The following BATF variants were observed in gnomAD, a reference collection of about 807,000 sequenced individuals.
The protein encoded by BATF is basic leucine zipper transcriptional factor ATF-like.
Under a neutral mutation model 13.7 loss-of-function variants are expected in BATF, and 5 were observed. That is an observed-to-expected ratio of 0.36 (90% CI 0.19 to 0.77). BATF has a LOEUF of 0.77. Among genes scored for constraint, BATF ranks in the 30% least tolerant of loss-of-function variants. The probability of loss-of-function intolerance (pLI) is 0.51; values close to 1 mark genes in which losing one functional copy is unlikely to be tolerated. For synonymous variants in BATF, 72 were observed against 67.5 expected (o/e 1.07, Z -0.33); for missense variants, 124 against 163.0 (o/e 0.76, Z 1.30).
rs144095371 is a variant in BATF, at chr14:75,524,033, T to A, written c.64-1051T>A. On this transcript the variant is annotated intron_variant, in intron 1 of 2. Transcript: ENST00000286639. ...TCCTACCACAAAGGCCTGAAAGTAT[T>A]GGACATGTTGGTGAGCCCAGTACTT... Among the ~76,000 whole-genome samples the A allele has an allele frequency of 4.5e-3, 685 of 152,308 alleles. 4 individuals carry two copies. The highest frequency in any genetic ancestry group is 0.016 in the African/African-American group (661 of 41,550).
intron 2 of BATF, among the ~76,000 whole-genome samples, chr14:75,537,426 AT>A (rs1228423008): frequency 6.6e-6 from 1 of 152,154 alleles, no homozygotes; most frequent in South Asian, 2.1e-4. Context: ...ATTTTGGAAA[AT>A]TATTCCAGAT....
chr14:75,536,571 A>AT (rs1302553541), intron 2 of BATF, among the ~76,000 whole-genome samples: 2 of 151,642 alleles, frequency 1.3e-5, no homozygotes, highest in African/African-American at 2.4e-5. Context: ...ACAAAAAAAA[A>AT]TTTTTTTTAA....
chr14:75,545,306 C>T (rs1231303467), intron 2 of BATF, among the ~76,000 whole-genome samples: 1 of 151,844 alleles, frequency 6.6e-6, no homozygotes, highest in Non-Finnish European at 1.5e-5. Context: ...ACTGCAGCCT[C>T]TGCCTCCTGG....
At chr14:75,535,635 T>G (rs1887806236) in intron 2 of BATF, among the ~76,000 whole-genome samples, 2 of 152,150 alleles carry the variant, frequency 1.3e-5, no homozygotes, top group Admixed American at 6.5e-5. Context: ...GGGGATCAGG[T>G]TTTGGTAGGA....
At chr14:75,536,080 C>T (rs947022654) in intron 2 of BATF, among the ~76,000 whole-genome samples, 1 of 152,190 alleles carries the variant, frequency 6.6e-6, no homozygotes, top group South Asian at 2.1e-4. Flanking sequence ...ACAGGACAGA[C>T]AGAGTCTCTG....
Position 75,546,836 on chromosome 14 carries a change from G to C in BATF, c.*165G>C, listed in dbSNP as rs1315686058. 1.0e-6 allele frequency: 1 copy of C among 967,804 alleles called. No individual in the cohort carries two copies. The highest frequency in any genetic ancestry group is 1.6e-6 in the Non-Finnish European group (1 of 629,622). The allele number at this position is 967,804 out of a possible 1,614,324, so 60.0% of individuals were successfully genotyped here. ...GACTGGAAGGGCGTGAGGCCTCCCA[G>C]CAGTGCCGCAGCGTTTCGAGGGGCG... On this transcript the variant is annotated 3_prime_UTR_variant, in exon 3 of 3. Transcript: ENST00000286639.
intron 2 of BATF, among the ~76,000 whole-genome samples, chr14:75,534,222 A>G (rs1323355285): frequency 6.6e-6 from 1 of 152,254 alleles, no homozygotes; most frequent in Non-Finnish European, 1.5e-5. Flanking sequence ...TGCTACAGAA[A>G]GAAACTCTTA....
rs559484244 is a variant in BATF at position 75,530,328 on chromosome 14, G to A, written c.168+5140G>A. Among the ~76,000 whole-genome samples the A allele has an allele frequency of 8.5e-5, 13 of 152,198 alleles. No homozygotes were observed. In the South Asian group the frequency reaches 1.2e-3, roughly 15 times the overall value. ...CCCTGGTAGAAGGCAATTTGCCCAC[G>A]TCCATTCAAATTATAGGTGCACATA... On this transcript the variant is annotated intron_variant, in intron 2 of 2. Coordinates refer to ENST00000286639, the MANE Select transcript of BATF (RefSeq NM_006399.5).
chr14:75,540,877 G>A (rs1214307390), intron 2 of BATF, among the ~76,000 whole-genome samples: 1 of 152,200 alleles, frequency 6.6e-6, no homozygotes, highest in Non-Finnish European at 1.5e-5. Context: ...CTTGCGGTCA[G>A]AAGTTCAAAA....
chr14:75,539,068 G>T (rs539165137), intron 2 of BATF, among the ~76,000 whole-genome samples: 33 of 152,340 alleles, frequency 2.2e-4, no homozygotes, highest in African/African-American at 7.7e-4. Context: ...ACAAGTGAGA[G>T]ACCAGCCATC....
chr14:75,524,615 A>G (rs1285190135), intron 1 of BATF, among the ~76,000 whole-genome samples: 1 of 152,212 alleles, frequency 6.6e-6, no homozygotes, highest in East Asian at 1.9e-4. Flanking sequence ...GGGGAATTAA[A>G]CAAGAGCACT....
intron 2 of BATF, among the ~76,000 whole-genome samples, chr14:75,536,750 A>AAATAAAATAAAATAAAATAAAAT (rs1351901462): frequency 2.0e-5 from 3 of 151,744 alleles, no homozygotes; most frequent in Non-Finnish European, 4.4e-5. Flanking sequence ...AAATAAAATA[A>AAATAAAATAAAATAAAATAAAAT]AATAAAATAA....
At chr14:75,531,898 G>A (rs896181018) in intron 2 of BATF, among the ~76,000 whole-genome samples, 7 of 152,168 alleles carry the variant, frequency 4.6e-5, no homozygotes, top group African/African-American at 1.7e-4. Context: ...TAAGTCACAG[G>A]TCAGGAATGT....
intron 2 of BATF, among the ~76,000 whole-genome samples, chr14:75,527,272 G>C (rs1887667266): frequency 6.6e-6 from 1 of 152,100 alleles, no homozygotes; most frequent in African/African-American, 2.4e-5. Context: ...ATATATATAT[G>C]AAAACATATA....
At chr14:75,541,376 A>G (rs556985374) in intron 2 of BATF, among the ~76,000 whole-genome samples, 6 of 152,330 alleles carry the variant, frequency 3.9e-5, no homozygotes, top group African/African-American at 1.4e-4. Context: ...CCAGGGCCCA[A>G]GTTCCTATTC....
At chr14:75,538,619 C>T (rs1477197675) in intron 2 of BATF, among the ~76,000 whole-genome samples, 2 of 152,176 alleles carry the variant, frequency 1.3e-5, no homozygotes, top group Non-Finnish European at 2.9e-5. Flanking sequence ...ACAAAACAAA[C>T]GGCCAGGTGC....
chr14:75,546,750 C>T lies in BATF; in HGVS notation c.*79C>T. On this transcript the variant is annotated 3_prime_UTR_variant, in exon 3 of 3. Coordinates refer to ENST00000286639, the MANE Select transcript of BATF (RefSeq NM_006399.5). ...AGCTGCGCCCATCCCGCAGAGGCCCCTGTCCACCTGGAGACCCGGAGACAG... is the reference window on the plus strand; with the variant it reads ...AGCTGCGCCCATCCCGCAGAGGCCCTTGTCCACCTGGAGACCCGGAGACAG... 7.0e-7 allele frequency: 1 copy of T among 1,437,472 alleles called. No individual in the cohort carries two copies. The highest frequency in any genetic ancestry group is 9.3e-7 in the Non-Finnish European group (1 of 1,075,390). The allele number at this position is 1,437,472 out of a possible 1,614,324, so 89.0% of individuals were successfully genotyped here.
intron 2 of BATF, 51 bp from the exon 3 acceptor site, chr14:75,546,411 C>G (rs1265619720): frequency 1.3e-6 from 2 of 1,595,442 alleles, no homozygotes; most frequent in Middle Eastern, 1.7e-4. Flanking sequence ...CCCCACCCAC[C>G]TTGCCTCCTT....
intron 1 of BATF, among the ~76,000 whole-genome samples, chr14:75,524,799 A>AT (rs146615973): frequency 0.086 from 12,317 of 142,962 alleles, 1,374 homozygotes; most frequent in African/African-American, 0.26. Flanking sequence ...CGCCTTAACC[A>AT]TTTTTTTTTT....
Sources: gnomAD v4.1 joint callset for allele counts (sites outside exome capture counted in the v4.1 genomes callset) on GRCh38, gnomAD v4.1.1 for gene constraint, MANE v1.5 for transcripts, NCBI Gene and HGNC (gene_info 2026-07-23, HGNC 2026-07-21) for gene names.